Variants in FRMPD4 observed in about 807,000 individuals in gnomAD.
FRMPD4 encodes the protein FERM and PDZ domain containing 4, also known as FERM and PDZ domain-containing protein 4.
In FRMPD4, 22 loss-of-function variants were observed where a neutral mutation model predicts 94.1. The ratio of observed to expected loss-of-function variants is 0.23; its 90% CI spans 0.17 to 0.33. FRMPD4 has a LOEUF of 0.33. Among genes scored for constraint, FRMPD4 ranks in the 10% least tolerant of loss-of-function variants. The pLI is 1.00. For missense variants in FRMPD4, 1,111 were observed against 1,339.9 expected (o/e 0.83, Z 2.67); for synonymous variants, 631 against 548.6 (o/e 1.15, Z -2.10).
intron 1 of FRMPD4, among the ~76,000 whole-genome samples, chrX:12,487,340 G>C (rs964454653): frequency 2.7e-5 from 3 of 112,191 alleles, no homozygotes; most frequent in Non-Finnish European, 5.6e-5. Context: ...AAGGGTTTCT[G>C]TATGAACAAA....
chrX:11,828,680 G>A (rs369376037), intron 1 of FRMPD4, among the ~76,000 whole-genome samples: 1 of 112,100 alleles, frequency 8.9e-6, no homozygotes, highest in South Asian at 3.7e-4. Flanking sequence ...CCACTGTTCC[G>A]AGACAGCAAA....
chrX:12,038,666 G>T (rs1012241585), intron 3 of FRMPD4, among the ~76,000 whole-genome samples: 1 of 111,681 alleles, frequency 9.0e-6, no homozygotes, highest in African/African-American at 3.3e-5. Flanking sequence ...CTGACATTTA[G>T]GTCTGTGATC....
chrX:12,496,299 T>G (rs770807580), intron 1 of FRMPD4, among the ~76,000 whole-genome samples: 1 of 112,327 alleles, frequency 8.9e-6, no homozygotes, highest in South Asian at 3.7e-4. Flanking sequence ...TGGCTAAATC[T>G]GGCAACCCTA....
At position 12,553,466 on chromosome X, in the gene FRMPD4, A is replaced by ATATATATATATATATATATATATATC. The variant is rs368999462; in HGVS notation, c.158+54671_158+54672insATATATATATATATATATATATATCT. Among the ~76,000 whole-genome samples the ATATATATATATATATATATATATATC allele has an allele frequency of 8.5e-4, 66 of 77,915 alleles. 1 individual carries two copies. The highest frequency in any genetic ancestry group is 1.7e-3 in the East Asian group (4 of 2,294). 67.7% of individuals were successfully genotyped at this position (77,915 alleles called of 115,157 possible). A position where few individuals can be genotyped will look rare whatever the true frequency, so the allele number is the denominator to read the frequency against. On this transcript the variant is annotated intron_variant, in intron 2 of 16. Transcript: ENST00000675598. The stretch of plus-strand genomic sequence containing the variant: ...TATATATATATATATATATATATAT[A>ATATATATATATATATATATATATATC]TCTAATCCACTAATTTATTTGCAAC...
At chrX:12,211,498 T>G (rs2056755028) in intron 1 of FRMPD4, among the ~76,000 whole-genome samples, 1 of 112,178 alleles carries the variant, frequency 8.9e-6, no homozygotes, top group Non-Finnish European at 1.9e-5. Context: ...AAAATCCTAG[T>G]TTTTCATGTG....
chrX:11,881,795 T>C lies in FRMPD4; in HGVS notation c.95+3777T>C, dbSNP rs755271806. 2.7e-5 allele frequency among the ~76,000 whole-genome samples: 3 copies of C among 111,850 alleles called. No individual in the cohort carries two copies. The Admixed American group carries it at 2.9e-4, about 11-fold the overall frequency. On this transcript the variant is annotated intron_variant, in intron 3 of 18. Transcript: ENST00000640291. ...GTACAGTCATTTAAAACATGAAAAA[T>C]AAGAATATTAGTTTCTTGCCCTTAA...
chrX:12,333,237 C>T (rs969840489), intron 1 of FRMPD4, among the ~76,000 whole-genome samples: 13 of 111,768 alleles, frequency 1.2e-4, no homozygotes, highest in Non-Finnish European at 1.7e-4. Flanking sequence ...TTATTATGGA[C>T]AGGCAATTAT....
chrX:11,902,884 T>A (rs1035583528), intron 3 of FRMPD4, among the ~76,000 whole-genome samples: 2 of 111,691 alleles, frequency 1.8e-5, no homozygotes, highest in Admixed American at 1.9e-4. Context: ...ATTGCAGTAA[T>A]TTGGGGGAGT....
chrX:12,257,226 C>G (rs776082244), intron 1 of FRMPD4, among the ~76,000 whole-genome samples: 5 of 111,967 alleles, frequency 4.5e-5, no homozygotes, highest in African/African-American at 1.6e-4. Context: ...TTGCAAAGCC[C>G]AAAGTCCAAT....
intron 1 of FRMPD4, among the ~76,000 whole-genome samples, chrX:12,199,668 C>G (rs1032462175): frequency 1.8e-5 from 2 of 111,898 alleles, no homozygotes; most frequent in African/African-American, 6.5e-5. Context: ...TATGTAATCA[C>G]CCAATGGCTT....
chrX:12,658,979 C>A (rs747260752), intron 4 of FRMPD4, among the ~76,000 whole-genome samples: 1 of 112,361 alleles, frequency 8.9e-6, no homozygotes, highest in African/African-American at 3.2e-5. Context: ...TAAAGCCAGA[C>A]TTTTGCAATG....
At chrX:12,531,636 C>T (rs2058286908) in intron 2 of FRMPD4, among the ~76,000 whole-genome samples, 1 of 111,595 alleles carries the variant, frequency 9.0e-6, no homozygotes, top group South Asian at 3.8e-4. Context: ...AGGTATCATT[C>T]AATATTGGTG....
intron 3 of FRMPD4, among the ~76,000 whole-genome samples, chrX:12,084,243 C>T (rs1353870471): frequency 9.3e-6 from 1 of 107,015 alleles, no homozygotes; most frequent in Non-Finnish European, 1.9e-5. Context: ...TAATGAATAA[C>T]TCTCACAAGA....
At chrX:12,591,248 GTTA>G (rs2058980288) in intron 2 of FRMPD4, among the ~76,000 whole-genome samples, 1 of 112,039 alleles carries the variant, frequency 8.9e-6, no homozygotes, top group Non-Finnish European at 1.9e-5. Context: ...AAGAGAAAAT[GTTA>G]TTAAGAAAAT....
rs913666075 is a variant in FRMPD4, at chrX:11,915,528, G to A, written c.95+37510G>A. On this transcript the variant is annotated intron_variant, in intron 3 of 18. Transcript: ENST00000640291. ...CCTCATATGGAGAGCATATGGTACA[G>A]AGCTGTGCTGTCCAATATGGTAGCA... 2.7e-5 allele frequency among the ~76,000 whole-genome samples: 3 copies of A among 112,663 alleles called. No homozygotes were observed. In the Admixed American group the frequency reaches 2.8e-4, roughly 11 times the overall value.
At chrX:12,578,613 CTTT>C (rs778305343) in intron 2 of FRMPD4, among the ~76,000 whole-genome samples, 68 of 111,688 alleles carry the variant, frequency 6.1e-4, no homozygotes, top group Admixed American at 4.9e-3. Context: ...TTTTCGAACC[CTTT>C]TTTATTATCT....
At chrX:11,844,609 T>G (rs1437433005) in intron 1 of FRMPD4, among the ~76,000 whole-genome samples, 1 of 111,328 alleles carries the variant, frequency 9.0e-6, no homozygotes, top group African/African-American at 3.3e-5. Context: ...GCTAATCATA[T>G]TATTTTTTTC....
intron 2 of FRMPD4, among the ~76,000 whole-genome samples, chrX:12,515,104 T>C (rs1195020968): frequency 8.9e-6 from 1 of 111,934 alleles, no homozygotes; most frequent in Non-Finnish European, 1.9e-5. Flanking sequence ...GATTCTTCTG[T>C]CTTTTCTTAG....
intron 3 of FRMPD4, among the ~76,000 whole-genome samples, chrX:11,889,591 T>C (rs570279998): frequency 8.1e-4 from 91 of 112,749 alleles, no homozygotes; most frequent in African/African-American, 2.6e-3. Context: ...TGTACAGCTA[T>C]TAATTGCCAT....
Sources: gnomAD v4.1 joint callset for allele counts (sites outside exome capture counted in the v4.1 genomes callset) on GRCh38, gnomAD v4.1.1 for gene constraint, MANE v1.5 for transcripts, NCBI Gene and HGNC (gene_info 2026-07-23, HGNC 2026-07-21) for gene names.